Variants in ALK observed in about 807,000 individuals in gnomAD.
The protein encoded by ALK is ALK tyrosine kinase receptor.
Under a neutral mutation model 163.1 loss-of-function variants are expected in ALK, and 74 were observed. The ratio of observed to expected loss-of-function variants is 0.45; its 90% CI spans 0.38 to 0.55. The LOEUF (loss-of-function observed/expected upper bound fraction) is 0.55, where lower values mean the gene tolerates loss of function less well. Ranked by LOEUF, ALK falls within the 20% of genes least tolerant of loss-of-function variation. The pLI is 0.00. For missense variants in ALK, 2,063 were observed against 2,105.3 expected, an observed-to-expected ratio of 0.98 and a Z score of 0.39; for synonymous variants, 960 against 843.2, an observed-to-expected ratio of 1.14 and a Z score of -2.40.
chr2:29,634,717 A>T (rs1676473911), intron 3 of ALK, among the ~76,000 whole-genome samples: 1 of 152,234 alleles, frequency 6.6e-6, no homozygotes, highest in South Asian at 2.1e-4. Flanking sequence ...TTAAAGCAAG[A>T]TGTCCACACT....
chr2:29,257,794 T>C (rs1277227968), intron 11 of ALK, among the ~76,000 whole-genome samples: 1 of 152,172 alleles, frequency 6.6e-6, no homozygotes, highest in African/African-American at 2.4e-5. Flanking sequence ...GCACCCTAGG[T>C]CCCAGTAAAT....
Position 29,239,766 on chromosome 2 carries a change from C to T in ALK, c.2269G>A (p.Val757Met), listed in dbSNP as rs371005946. 21 of 1,613,908 alleles carry T rather than the reference C, an allele frequency of 1.3e-5. No homozygotes were observed. Among genetic ancestry groups the T allele is most frequent in the Middle Eastern group, 1.6e-4 (1 of 6,084 alleles). Residue 757 changes from valine to methionine, a missense_variant, in exon 13 of 29, where the codon GTG becomes ATG. Transcript: ENST00000389048. ...AGGTTGAAGATGCCCAGCACAGACA[C>T]GCCGTGGGACCGCATCATGGTGTTC... ...GKNTMMRSHG[V>M]SVLGIFNLEK...
chr2:29,534,199 A>G (rs7584985), intron 3 of ALK, among the ~76,000 whole-genome samples: 2 of 152,094 alleles, frequency 1.3e-5, no homozygotes, highest in East Asian at 3.9e-4. Flanking sequence ...AGAGTGGTGC[A>G]GCAGGAGAAC....
At chr2:29,883,011 T>C (rs1379169050) in intron 1 of ALK, among the ~76,000 whole-genome samples, 2 of 151,744 alleles carry the variant, frequency 1.3e-5, no homozygotes, top group African/African-American at 2.4e-5. Context: ...ATGTTTATAT[T>C]GATAGAGAAT....
chr2:29,200,841 G>GTA lies in ALK; in HGVS notation c.3939-3166_3939-3165insTA, dbSNP rs1241409378. ...TACATATATACGTATATATATGTGT[G>GTA]TGTATATAGATACGTATATATATGT... On this transcript the variant is annotated intron_variant, in intron 26 of 28. Transcript: ENST00000389048. 7.1e-4 allele frequency among the ~76,000 whole-genome samples: 93 copies of GTA among 130,346 alleles called. 3 individuals are homozygous for GTA. The East Asian group carries it at 0.014, about 20-fold the overall frequency. The allele number at this position is 130,346 out of a possible 152,430, so 85.5% of individuals were successfully genotyped here.
At chr2:29,290,331 C>A (rs1044094107) in intron 9 of ALK, among the ~76,000 whole-genome samples, 1 of 152,136 alleles carries the variant, frequency 6.6e-6, no homozygotes, top group East Asian at 1.9e-4. Context: ...ACAGGGCTGC[C>A]GTGGATGGGG....
intron 6 of ALK, among the ~76,000 whole-genome samples, chr2:29,323,014 A>G (rs960799781): frequency 6.6e-6 from 1 of 152,132 alleles, no homozygotes; most frequent in African/African-American, 2.4e-5. Flanking sequence ...GATCATGGGT[A>G]TTGTTAGCAC....
intron 3 of ALK, among the ~76,000 whole-genome samples, chr2:29,662,104 G>GTAAACA (rs1677366080): frequency 6.6e-6 from 1 of 152,068 alleles, no homozygotes; most frequent in Non-Finnish European, 1.5e-5. Context: ...CAGGGACGGG[G>GTAAACA]TTTCACAATG....
rs186251550 is a variant in ALK at position 29,323,847 on chromosome 2, C to T, written c.1415-2965G>A. ...TTCTCATTCGCCCCAAGCTCCTACT[C>T]AGTCAGCACACTGGAAGACTTCAAA... is the stretch of plus-strand genomic sequence containing the variant. On this transcript the variant is annotated intron_variant, in intron 6 of 28. Coordinates refer to ENST00000389048, the MANE Select transcript of ALK (RefSeq NM_004304.5). Among the ~76,000 whole-genome samples, 163 of 152,324 alleles carry T rather than the reference C, an allele frequency of 1.1e-3. 2 individuals carry two copies. Among genetic ancestry groups the T allele is most frequent in the Non-Finnish European group, 2.1e-3 (141 of 68,032 alleles).
chr2:29,523,341 A>G (rs1043051296), intron 4 of ALK, among the ~76,000 whole-genome samples: 2 of 152,056 alleles, frequency 1.3e-5, no homozygotes, highest in Non-Finnish European at 2.9e-5. Context: ...CACAGCACCC[A>G]TTACACCCCT....
chr2:29,698,385 A>G (rs1295216815), intron 2 of ALK, among the ~76,000 whole-genome samples: 30 of 152,216 alleles, frequency 2.0e-4, no homozygotes, highest in Admixed American at 1.9e-3. Context: ...GGAGGGTCAA[A>G]AAGACACATC....
At chr2:29,245,317 A>G (rs1420745232) in intron 12 of ALK, among the ~76,000 whole-genome samples, 1 of 120,596 alleles carries the variant, frequency 8.3e-6, no homozygotes. Context: ...TGCCCTGCAC[A>G]CAGTAGGGGC....
intron 3 of ALK, among the ~76,000 whole-genome samples, chr2:29,690,700 C>T (rs1302219632): frequency 6.6e-6 from 1 of 152,112 alleles, no homozygotes; most frequent in Non-Finnish European, 1.5e-5. Context: ...ATTGTATCTT[C>T]CTTATTATTC....
chr2:29,512,947 G>A (rs1043173797), intron 4 of ALK, among the ~76,000 whole-genome samples: 5 of 151,122 alleles, frequency 3.3e-5, no homozygotes, highest in Admixed American at 6.6e-5. Context: ...TACAAGGGAC[G>A]TGAAGGACCT....
intron 23 of ALK, among the ~76,000 whole-genome samples, chr2:29,216,992 G>A (rs1301893066): frequency 6.9e-6 from 1 of 145,304 alleles, no homozygotes; most frequent in Non-Finnish European, 1.5e-5. Flanking sequence ...TGTGGCATGT[G>A]AGGTGTGTGT....
At chr2:29,635,746 A>C (rs1308423362) in intron 3 of ALK, among the ~76,000 whole-genome samples, 1 of 151,172 alleles carries the variant, frequency 6.6e-6, no homozygotes, top group African/African-American at 2.4e-5. Flanking sequence ...GGGATTACAA[A>C]TATGCACCAC....
chr2:29,735,183 G>A (rs1317327341), intron 1 of ALK, among the ~76,000 whole-genome samples: 1 of 151,156 alleles, frequency 6.6e-6, no homozygotes, highest in Non-Finnish European at 1.5e-5. Context: ...GATGAGGCAA[G>A]AGAAAGCCCT....
chr2:29,692,859 T>C (rs1678442197), intron 3 of ALK, among the ~76,000 whole-genome samples: 1 of 152,234 alleles, frequency 6.6e-6, no homozygotes, highest in Admixed American at 6.5e-5. Context: ...TCAATGACGG[T>C]AGAAGAGATC....
At chr2:29,488,854 G>A (rs1558347006) in intron 4 of ALK, among the ~76,000 whole-genome samples, 1 of 152,178 alleles carries the variant, frequency 6.6e-6, no homozygotes, top group African/African-American at 2.4e-5. Context: ...CTTTGTCTAA[G>A]TTTGTTACTT....
Sources: allele counts gnomAD v4.1 joint callset (sites outside exome capture counted in the v4.1 genomes callset), GRCh38; gene constraint gnomAD v4.1.1; transcripts MANE v1.5; gene names NCBI Gene and HGNC (gene_info 2026-07-23, HGNC 2026-07-21).